Variants in SLC35D1 observed in about 807,000 individuals in gnomAD.
The protein encoded by SLC35D1 is solute carrier family 35 member D1, also known as nucleotide sugar transporter SLC35D1.
A neutral mutation model predicts 46.7 loss-of-function variants in SLC35D1; 31 were observed. That is an observed-to-expected ratio of 0.66 (90% confidence interval 0.50 to 0.90). SLC35D1 has a LOEUF of 0.90. SLC35D1 is among the 40% of genes least tolerant of loss of function. SLC35D1 has a pLI of 0.00. For synonymous variants in SLC35D1, 195 were observed against 164.6 expected (o/e 1.18, Z -1.41); for missense variants, 397 against 426.2 (o/e 0.93, Z 0.60).
intron 8 of SLC35D1, among the ~76,000 whole-genome samples, chr1:67,035,863 G>T (rs1668113221): frequency 1.5e-5 from 2 of 137,404 alleles, no homozygotes; most frequent in African/African-American, 2.7e-5. Context: ...TCTCAGTACT[G>T]TTTTTGCTGT....
At chr1:67,033,318 T>C (rs1296535773) in intron 8 of SLC35D1, among the ~76,000 whole-genome samples, 4 of 152,216 alleles carry the variant, frequency 2.6e-5, no homozygotes, top group African/African-American at 7.2e-5. Context: ...TTCTCCATAG[T>C]GCTTATACTA....
chr1:67,019,844 G>A (rs1317263170), intron 10 of SLC35D1, among the ~76,000 whole-genome samples: 1 of 152,196 alleles, frequency 6.6e-6, no homozygotes, highest in Non-Finnish European at 1.5e-5. Flanking sequence ...GGCTCTCCTG[G>A]CTGAAGACAA....
At chr1:67,036,025 T>C (rs1193767865) in intron 8 of SLC35D1, among the ~76,000 whole-genome samples, 5 of 152,154 alleles carry the variant, frequency 3.3e-5, no homozygotes, top group Admixed American at 6.6e-5. Flanking sequence ...CTAGCTTTAT[T>C]CCATTGTGGT....
chr1:67,007,650 C>T (rs1667479418), intron 11 of SLC35D1, among the ~76,000 whole-genome samples: 1 of 152,062 alleles, frequency 6.6e-6, no homozygotes, highest in Admixed American at 6.5e-5. Flanking sequence ...TATTCATCAA[C>T]GAGCATACTA....
At chr1:67,020,520 T>C (rs921885243) in intron 9 of SLC35D1, 73 bp from the exon 10 acceptor site, 7 of 1,128,258 alleles carry the variant, frequency 6.2e-6, no homozygotes, top group Non-Finnish European at 9.4e-6. Context: ...AAACAATCAG[T>C]GTTGGCCAAG....
the SLC35D1 span, chr1:66,982,057 A>G: frequency 1.3e-6 from 1 of 767,016 alleles, no homozygotes; most frequent in Non-Finnish European, 2.1e-6. Flanking sequence ...CAAACATAAC[A>G]TCAGCATACA....
downstream of SLC35D1, among the ~76,000 whole-genome samples, chr1:66,998,589 C>T (rs572309071): frequency 4.6e-5 from 7 of 152,252 alleles, no homozygotes; most frequent in Non-Finnish European, 8.8e-5. Context: ...AGAAGCAACC[C>T]AAGTACCCAT....
chr1:67,000,882 G>T lies in SLC35D1; in HGVS notation c.*3458C>A, dbSNP rs1170558520. 1 of 152,264 alleles carries T rather than the reference G, an allele frequency of 6.6e-6. No homozygotes were observed. Among genetic ancestry groups the T allele is most frequent in the Non-Finnish European group, 1.5e-5 (1 of 68,016 alleles). 9.4% of individuals were successfully genotyped at this position (152,264 alleles called of 1,614,324 possible). On this transcript the variant is annotated 3_prime_UTR_variant, in exon 12 of 12. Transcript: ENST00000235345. Reference sequence around the variant, plus strand: ...AGATTAACTAATATGAGTTACAAAAGTCCTCTCGGATTAAAAAAATGCTTT... The same window carrying T: ...AGATTAACTAATATGAGTTACAAAATTCCTCTCGGATTAAAAAAATGCTTT...
chr1:67,021,472 T>A (rs1284469862), intron 9 of SLC35D1, 63 bp downstream of exon 9: 1 of 1,531,832 alleles, frequency 6.5e-7, no homozygotes, highest in South Asian at 1.1e-5. Context: ...AAAAGAGGCA[T>A]GCAAATTTCT....
downstream of SLC35D1, among the ~76,000 whole-genome samples, chr1:66,997,033 A>C (rs1015936139): frequency 3.9e-5 from 6 of 152,192 alleles, no homozygotes; most frequent in Admixed American, 3.3e-4. Flanking sequence ...TAAAATTATA[A>C]AACTCACATT....
chr1:66,986,443 C>G, the SLC35D1 span: 2 of 1,612,256 alleles, frequency 1.2e-6, no homozygotes, highest in East Asian at 4.5e-5. Flanking sequence ...TTTCAGCCAT[C>G]AGTTCAAGAG....
At chr1:66,973,414 A>G in the SLC35D1 span, among the ~76,000 whole-genome samples, 1 of 152,128 alleles carries the variant, frequency 6.6e-6, no homozygotes, top group African/African-American at 2.4e-5. Context: ...TGAGTGGTCT[A>G]AAATCAAATA....
At chr1:66,982,006 A>C in the SLC35D1 span, 1 of 1,383,682 alleles carries the variant, frequency 7.2e-7, no homozygotes, top group Non-Finnish European at 1.0e-6. Context: ...GGTTTCTATT[A>C]AACTTCCAGA....
chr1:67,033,673 CAGA>C (rs1426797763), intron 8 of SLC35D1, among the ~76,000 whole-genome samples: 1 of 152,140 alleles, frequency 6.6e-6, no homozygotes, highest in African/African-American at 2.4e-5. Context: ...CTTCACTGTG[CAGA>C]AGCTTTTTAA....
chr1:66,977,096 C>CAT, the SLC35D1 span, among the ~76,000 whole-genome samples: 2 of 151,682 alleles, frequency 1.3e-5, no homozygotes, highest in African/African-American at 4.8e-5. Context: ...AGTATAAGCA[C>CAT]ATACAGTTTT....
the SLC35D1 span, chr1:66,988,373 G>A: frequency 4.6e-4 from 70 of 152,048 alleles, no homozygotes; most frequent in African/African-American, 1.7e-3. Flanking sequence ...ATCTTAAAGG[G>A]TTTTCCACAC....
chr1:66,979,157 C>T, the SLC35D1 span, among the ~76,000 whole-genome samples: 1 of 151,936 alleles, frequency 6.6e-6, no homozygotes, highest in Non-Finnish European at 1.5e-5. Context: ...GAGACTCTTC[C>T]CTTTTAGCTG....
At chr1:67,008,534 C>CGA in intron 11 of SLC35D1, 2 of 1,065,810 alleles carry the variant, frequency 1.9e-6, no homozygotes, top group Non-Finnish European at 2.5e-6. Context: ...TGGAACGTGC[C>CGA]GAACTGCTTC....
At chr1:66,985,629 A>G in the SLC35D1 span, 1 of 985,122 alleles carries the variant, frequency 1.0e-6, no homozygotes, top group Non-Finnish European at 1.2e-6. Flanking sequence ...TTCTTAATAC[A>G]AAAGCGTGTA....
Sources: allele counts gnomAD v4.1 joint callset (sites outside exome capture counted in the v4.1 genomes callset), GRCh38; gene constraint gnomAD v4.1.1; transcripts MANE v1.5; gene names NCBI Gene and HGNC (gene_info 2026-07-23, HGNC 2026-07-21).